The following DGKB variants were observed in gnomAD, a reference collection of about 807,000 sequenced individuals.
The protein encoded by DGKB is 90 kDa diacylglycerol kinase.
In DGKB, 67 loss-of-function variants were observed where a neutral mutation model predicts 114.3. That is an observed-to-expected ratio of 0.59 (90% CI 0.48 to 0.72). The LOEUF (loss-of-function observed/expected upper bound fraction) is 0.72, where lower values mean the gene tolerates loss of function less well. Ranked by LOEUF, DGKB falls within the 30% of genes least tolerant of loss-of-function variation. The pLI, the probability that DGKB is intolerant of heterozygous loss-of-function variation, is 0.00. For missense variants in DGKB, 907 were observed against 975.2 expected, an observed-to-expected ratio of 0.93 and a Z score of 0.93; for synonymous variants, 398 against 323.1, an observed-to-expected ratio of 1.23 and a Z score of -2.49.
chr7:14,631,284 A>AAAAAAAAG (rs1809657788), intron 13 of DGKB, among the ~76,000 whole-genome samples: 1 of 146,434 alleles, frequency 6.8e-6, no homozygotes. Context: ...AAAAAAAAAG[A>AAAAAAAAG]AAAAAATAGC....
rs79121780 is a variant in DGKB, at chr7:14,595,934, T to A, written c.1433+11500A>T. ...AAATACGTGAAAATCAATATTGGGTTTTTGGTCATAGCCAAGCTGTAAGAC... is the reference window on the plus strand; with the variant it reads ...AAATACGTGAAAATCAATATTGGGTATTTGGTCATAGCCAAGCTGTAAGAC... On this transcript the variant is annotated intron_variant, in intron 17 of 25. Transcript: ENST00000402815. Among the ~76,000 whole-genome samples the A allele has an allele frequency of 7.4e-3, 1,119 of 152,212 alleles. 13 individuals are homozygous for A. The highest frequency in any genetic ancestry group is 0.025 in the African/African-American group (1,041 of 41,542).
At chr7:14,378,955 G>A (rs1818934225) in intron 21 of DGKB, among the ~76,000 whole-genome samples, 1 of 151,988 alleles carries the variant, frequency 6.6e-6, no homozygotes, top group African/African-American at 2.4e-5. Flanking sequence ...TAGCAAAACT[G>A]ATTTGGATGG....
intron 2 of DGKB, among the ~76,000 whole-genome samples, chr7:14,800,728 G>C (rs1032500017): frequency 2.6e-5 from 4 of 152,186 alleles, no homozygotes; most frequent in Admixed American, 6.5e-5. Flanking sequence ...TGGAAGTTAA[G>C]ACTGCCAGGC....
intron 23 of DGKB, among the ~76,000 whole-genome samples, chr7:14,306,518 T>A (rs1385333958): frequency 6.6e-6 from 1 of 152,026 alleles, no homozygotes; most frequent in Non-Finnish European, 1.5e-5. Flanking sequence ...TCCACGTTCA[T>A]ATTTGGGCTT....
At chr7:14,764,544 G>C (rs1836178033) in intron 2 of DGKB, among the ~76,000 whole-genome samples, 1 of 151,804 alleles carries the variant, frequency 6.6e-6, no homozygotes, top group Admixed American at 6.6e-5. Flanking sequence ...GATTTAATTA[G>C]CCTACATCTC....
chr7:14,690,851 G>A (rs776300971), intron 9 of DGKB, among the ~76,000 whole-genome samples: 3 of 152,200 alleles, frequency 2.0e-5, no homozygotes, highest in Non-Finnish European at 2.9e-5. Context: ...TCTGAAGGAA[G>A]AATGAATAAG....
intron 20 of DGKB, among the ~76,000 whole-genome samples, chr7:14,518,638 G>A (rs1482933384): frequency 6.6e-6 from 1 of 152,038 alleles, no homozygotes; most frequent in African/African-American, 2.4e-5. Context: ...GATAAGAGTT[G>A]TTCCCCAGAA....
intron 23 of DGKB, among the ~76,000 whole-genome samples, chr7:14,200,430 C>A (rs1785680037): frequency 6.6e-6 from 1 of 151,986 alleles, no homozygotes; most frequent in East Asian, 1.9e-4. Context: ...CTCATGTATT[C>A]CCCACATTAC....
At chr7:14,491,725 C>A (rs1015038060) in intron 20 of DGKB, among the ~76,000 whole-genome samples, 2 of 152,002 alleles carry the variant, frequency 1.3e-5, no homozygotes, top group Non-Finnish European at 2.9e-5. Context: ...TGTTAAAAAA[C>A]AAAATATCGT....
intron 17 of DGKB, 71 bp downstream of exon 17, chr7:14,607,361 CAT>C (rs1804709164): frequency 5.2e-6 from 4 of 771,712 alleles, no homozygotes; most frequent in Non-Finnish European, 9.0e-6. Context: ...ATTATTTCTA[CAT>C]ATGTCAGGCA....
chr7:14,634,037 G>C (rs1810258277), intron 13 of DGKB, among the ~76,000 whole-genome samples: 1 of 151,388 alleles, frequency 6.6e-6, no homozygotes, highest in Admixed American at 6.6e-5. Flanking sequence ...GTTTGACTTA[G>C]TTAAGATATA....
chr7:14,700,027 A>C (rs978929152), intron 7 of DGKB, among the ~76,000 whole-genome samples: 1 of 152,098 alleles, frequency 6.6e-6, no homozygotes, highest in East Asian at 1.9e-4. Context: ...ACTCTCCTTG[A>C]AAATAGAATT....
At chr7:14,255,380 A>G (rs1795815147) in intron 23 of DGKB, among the ~76,000 whole-genome samples, 1 of 152,308 alleles carries the variant, frequency 6.6e-6, no homozygotes, top group South Asian at 2.1e-4. Context: ...TACTCTTATG[A>G]TGATAAAGAT....
intron 2 of DGKB, among the ~76,000 whole-genome samples, chr7:14,770,968 A>C (rs1837317622): frequency 6.6e-6 from 1 of 152,052 alleles, no homozygotes. Flanking sequence ...GGAATTCTTC[A>C]CAGGATATGT....
At chr7:14,318,590 C>T (rs1391909611) in intron 23 of DGKB, among the ~76,000 whole-genome samples, 2 of 152,054 alleles carry the variant, frequency 1.3e-5, no homozygotes, top group Non-Finnish European at 2.9e-5. Context: ...CAATGAGATA[C>T]CATCTCACAC....
intron 23 of DGKB, among the ~76,000 whole-genome samples, chr7:14,250,132 A>T (rs13247346): frequency 0.085 from 11,457 of 135,266 alleles, 556 homozygotes; most frequent in Non-Finnish European, 0.11. Context: ...ATATATATAT[A>T]TTTTTTTTTT....
At chr7:14,414,280 C>G (rs1343722220) in intron 21 of DGKB, among the ~76,000 whole-genome samples, 1 of 151,868 alleles carries the variant, frequency 6.6e-6, no homozygotes, top group Non-Finnish European at 1.5e-5. Context: ...GAAAATTTAC[C>G]CTCCAAAAGT....
intron 25 of DGKB, among the ~76,000 whole-genome samples, chr7:14,173,053 T>A (rs976006624): frequency 1.3e-5 from 2 of 152,214 alleles, no homozygotes; most frequent in Non-Finnish European, 2.9e-5. Flanking sequence ...GTCTTTAGTT[T>A]GATATGCTTA....
intron 1 of DGKB, among the ~76,000 whole-genome samples, chr7:14,948,328 T>C (rs930450678): frequency 4.6e-5 from 7 of 151,850 alleles, no homozygotes; most frequent in Non-Finnish European, 8.8e-5. Flanking sequence ...GACATTTAAA[T>C]CATGTTTTGT....
Sources: gnomAD v4.1 joint callset for allele counts (sites outside exome capture counted in the v4.1 genomes callset) on GRCh38, gnomAD v4.1.1 for gene constraint, MANE v1.5 for transcripts, NCBI Gene and HGNC (gene_info 2026-07-23, HGNC 2026-07-21) for gene names.